Variants in CBARP observed in about 807,000 individuals in gnomAD.
CBARP encodes the protein voltage-dependent calcium channel beta subunit-associated regulatory protein.
Under a neutral mutation model 36.3 loss-of-function variants are expected in CBARP, and 24 were observed. That is an observed-to-expected ratio of 0.66 (90% confidence interval 0.48 to 0.93). The LOEUF (loss-of-function observed/expected upper bound fraction) is 0.93. Ranked by LOEUF, CBARP falls within the 40% of genes least tolerant of loss-of-function variation. CBARP has a pLI of 0.00. For missense variants in CBARP, 1,146 were observed against 980.4 expected, an observed-to-expected ratio of 1.17 and a Z score of -2.26; for synonymous variants, 586 against 453.2, an observed-to-expected ratio of 1.29 and a Z score of -3.72.
Position 1,235,115 on chromosome 19 carries a change from C to A in CBARP, c.341G>T (p.Cys114Phe). The change falls in exon 5 of 10, where the codon TGC (cysteine) becomes TTC (phenylalanine). Residue 114 changes from cysteine to phenylalanine, a missense_variant. Physicochemically the swap from Cys to Phe is radical, Grantham distance 205. Transcript: ENST00000650044. ...DPDFRGEDPECQDAETERFLS... is the reference protein window; with the variant it reads ...DPDFRGEDPEFQDAETERFLS... ...GAAGCGTTCGGTCTCCGCATCCTGG[C>A]ACTCGGGGTCCTCTCCCCGGAAGTC... The A allele has an allele frequency of 6.2e-7, 1 of 1,600,328 alleles. No homozygotes were observed. The highest frequency in any genetic ancestry group is 8.5e-7 in the Non-Finnish European group (1 of 1,174,098).
At chr19:1,230,225 G>A in intron 9 of CBARP, 83 bp from the exon 10 acceptor site, 1 of 994,298 alleles carries the variant, frequency 1.0e-6, no homozygotes. Flanking sequence ...GGATCAGGGA[G>A]GGTGGACGCG....
rs1367029614 is a variant in CBARP, at chr19:1,233,432, T to G, written c.973A>C (p.Thr325Pro). The change falls in exon 8 of 10, where the codon ACG (threonine) becomes CCG (proline). Residue 325 changes from threonine to proline, a missense_variant. By Grantham distance (38) the Thr-to-Pro change is conservative. Coordinates refer to ENST00000650044, the MANE Select transcript of CBARP (RefSeq NM_001393918.1). ...EPSQRAASLDTRGSPKRHHFQ... is the reference protein window; with the variant it reads ...EPSQRAASLDPRGSPKRHHFQ... ...ACCAGGTGCTACAGCTCACCTCTCGTGTCCAGACTGGCTGCCCGCTGGCTG... is the reference window on the plus strand; with the variant it reads ...ACCAGGTGCTACAGCTCACCTCTCGGGTCCAGACTGGCTGCCCGCTGGCTG... The G allele has an allele frequency of 6.3e-7, 1 of 1,589,836 alleles. No homozygotes were observed. The highest frequency in any genetic ancestry group is 1.3e-5 in the African/African-American group (1 of 74,534).
At chr19:1,236,572 AC>A (rs2080976772) in intron 1 of CBARP, among the ~76,000 whole-genome samples, 2 of 151,150 alleles carry the variant, frequency 1.3e-5, no homozygotes, top group South Asian at 2.1e-4. Context: ...GTTCAGCTAC[AC>A]CCTGGCAGGG....
At chr19:1,232,480 C>G (rs553028665) in intron 8 of CBARP, among the ~76,000 whole-genome samples, 1 of 152,148 alleles carries the variant, frequency 6.6e-6, no homozygotes, top group African/African-American at 2.4e-5. Context: ...CAAGGCAGAG[C>G]GGGCCCCAGC....
intron 9 of CBARP, chr19:1,230,803 C>T: frequency 2.1e-6 from 3 of 1,458,312 alleles, no homozygotes; most frequent in African/African-American, 2.9e-5. Context: ...GGGACCACAG[C>T]AGAACCCTTC....
At chr19:1,234,056 G>C in intron 7 of CBARP, 135 bp downstream of exon 7, 2 of 1,082,922 alleles carry the variant, frequency 1.8e-6, no homozygotes, top group Non-Finnish European at 2.5e-6. Context: ...TCTCCCGTGT[G>C]CAATGACCCG....
rs1234887010 is a variant in CBARP at position 1,236,012 on chromosome 19, G to A, written c.89C>T (p.Ala30Val). ...TGCACCCACCGTGGGGCGTCCAGTGGCATTGTCCCACGACGTCGTCAGGGC... is the reference window on the plus strand; with the variant it reads ...TGCACCCACCGTGGGGCGTCCAGTGACATTGTCCCACGACGTCGTCAGGGC... ...TVALTTSWDNATGRPTAEPDP... is the reference protein window; with the variant it reads ...TVALTTSWDNVTGRPTAEPDP... Residue 30 changes from alanine to valine, a missense_variant, in exon 2 of 10, where the codon GCC (alanine) becomes GTC (valine). Coordinates refer to ENST00000650044, the MANE Select transcript of CBARP (RefSeq NM_001393918.1). 2.6e-6 allele frequency: 4 copies of A among 1,550,390 alleles called. No individual in the cohort carries two copies. Among genetic ancestry groups the A allele is most frequent in the East Asian group, 4.6e-5 (2 of 43,802 alleles).
At chr19:1,234,426 G>T in intron 6 of CBARP, 95 bp from the exon 7 acceptor site, 2 of 1,431,694 alleles carry the variant, frequency 1.4e-6, no homozygotes, top group Non-Finnish European at 1.8e-6. Flanking sequence ...TGCTGGGCTT[G>T]GCCCCCTGCC....
chr19:1,231,208 C>T lies in CBARP; in HGVS notation c.1047G>A (p.Gly349=), dbSNP rs372008248. 6.2e-7 allele frequency: 1 copy of T among 1,603,708 alleles called. No homozygotes were observed. Among genetic ancestry groups the T allele is most frequent in the South Asian group, 1.1e-5 (1 of 91,078 alleles). ...GGATGAAGTCCTCCTGGGGGGCATC[C>T]CCCTCCTCCTGCTCCGTGCTCTCAC... ...AASESTEQEE[G]DAPQEDFIQY... Residue 349 remains glycine, a synonymous_variant, in exon 9 of 10, where the codon GGG becomes GGA. Coordinates refer to ENST00000650044, the MANE Select transcript of CBARP (RefSeq NM_001393918.1).
At chr19:1,230,636 C>CG (rs2080877530) in intron 9 of CBARP, 1 of 1,255,588 alleles carries the variant, frequency 8.0e-7, no homozygotes, top group African/African-American at 1.6e-5. Flanking sequence ...CCCAGCCCCA[C>CG]GCCCCATTCC....
chr19:1,233,595 C>A lies in CBARP; in HGVS notation c.810G>T (p.Gly270=). The A allele has an allele frequency of 6.2e-7, 1 of 1,610,518 alleles. No homozygotes were observed. Among genetic ancestry groups the A allele is most frequent in the Non-Finnish European group, 8.5e-7 (1 of 1,179,120 alleles). ...CCGCCTCCCCAGGCCCTGCTGCAGCCCCGGGCCCTCCAGCCTTGGTGCTCC... is the reference window on the plus strand; with the variant it reads ...CCGCCTCCCCAGGCCCTGCTGCAGCACCGGGCCCTCCAGCCTTGGTGCTCC... ...GTRSTKAGGP[G]AAAGPGEAGP... Residue 270 remains glycine (G), a synonymous_variant, in exon 8 of 10, where the codon GGG becomes GGT. Transcript: ENST00000650044.
chr19:1,229,234 G>A lies in CBARP; in HGVS notation c.2063C>T (p.Ala688Val), dbSNP rs1313144527. The stretch of plus-strand genomic sequence containing the variant: ...GGCGGCGGCGACCAACGCGGGAGTC[G>A]CCACGACGGGCTCGGCGAGGCGCGG... ...FPPRLAEPVVATPALVAAAPT... is the reference protein window; with the variant it reads ...FPPRLAEPVVVTPALVAAAPT... The change falls in exon 10 of 10, where the codon GCG (alanine) becomes GTG (valine). Residue 688 changes from alanine (A) to valine (V), a missense_variant. Transcript: ENST00000650044. This position sits in a 1 kb window ranked among gnomAD's most constrained non-coding sequence, Gnocchi z 5.1. The A allele has an allele frequency of 5.7e-6, 7 of 1,234,738 alleles. No homozygotes were observed. Among genetic ancestry groups the A allele is most frequent in the East Asian group, 8.4e-5 (1 of 11,968 alleles). The allele number at this position is 1,234,738 out of a possible 1,614,324, so 76.5% of individuals were successfully genotyped here.
intron 1 of CBARP, 106 bp from the exon 2 acceptor site, chr19:1,236,227 G>A (rs946428852): frequency 2.2e-6 from 3 of 1,333,912 alleles, no homozygotes; most frequent in African/African-American, 1.5e-5. Flanking sequence ...CACACAGGGG[G>A]CAGTGACTCA....
chr19:1,232,832 T>G (rs1024568936), intron 8 of CBARP, among the ~76,000 whole-genome samples: 1 of 152,142 alleles, frequency 6.6e-6, no homozygotes. Flanking sequence ...ACAGCCTCTC[T>G]GACCATAACC....
intron 9 of CBARP, chr19:1,230,629 A>G: frequency 8.0e-7 from 1 of 1,243,716 alleles, no homozygotes; most frequent in Non-Finnish European, 1.0e-6. Context: ...GCTCTGCCCC[A>G]GCCCCACGCC....
chr19:1,238,072 C>G (rs992317505), upstream of CBARP: 2 of 148,442 alleles, frequency 1.3e-5, no homozygotes, highest in African/African-American at 4.9e-5. Flanking sequence ...AGCCTGCGCT[C>G]CCGGGCGCCC....
chr19:1,231,913 CA>C (rs1473500770), intron 8 of CBARP, among the ~76,000 whole-genome samples: 1 of 152,056 alleles, frequency 6.6e-6, no homozygotes, highest in African/African-American at 2.4e-5. Context: ...CAGCCCTGGT[CA>C]ACATGTGGCC....
chr19:1,235,120 G>C lies in CBARP; in HGVS notation c.336C>G (p.Pro112=). The C allele has an allele frequency of 6.3e-7, 1 of 1,598,446 alleles. No individual in the cohort carries two copies. Among genetic ancestry groups the C allele is most frequent in the Non-Finnish European group, 8.5e-7 (1 of 1,173,242 alleles). ...AQDPDFRGED[P]ECQDAETERF... ...GTTCGGTCTCCGCATCCTGGCACTC[G>C]GGGTCCTCTCCCCGGAAGTCGGGGT... Residue 112 remains proline, a synonymous_variant, in exon 5 of 10, where the codon CCC becomes CCG. Transcript: ENST00000650044.
chr19:1,229,473 C>T lies in CBARP; in HGVS notation c.1824G>A (p.Ala608=), dbSNP rs1419590267. The T allele has an allele frequency of 3.1e-6, 3 of 978,946 alleles. No individual in the cohort carries two copies. Among genetic ancestry groups the T allele is most frequent in the South Asian group, 9.4e-5 (2 of 21,248 alleles). 60.6% of individuals were successfully genotyped at this position (978,946 alleles called of 1,614,324 possible). The change falls in exon 10 of 10, where the codon GCG becomes GCA. Residue 608 remains alanine (A), a synonymous_variant. Coordinates refer to ENST00000650044, the MANE Select transcript of CBARP (RefSeq NM_001393918.1). This position sits in a 1 kb window ranked among gnomAD's most constrained non-coding sequence, Gnocchi z 5.1. ...LAGTPAPPAG[A]ARPARAPLRR... ...GCAAGGGCGCACGCGCGGGTCGGGCCGCGCCGGCAGGCGGTGCCGGGGTTC... is the reference window on the plus strand; with the variant it reads ...GCAAGGGCGCACGCGCGGGTCGGGCTGCGCCGGCAGGCGGTGCCGGGGTTC...
Sources: allele counts gnomAD v4.1 joint callset (sites outside exome capture counted in the v4.1 genomes callset), GRCh38; gene constraint gnomAD v4.1.1; non-coding constraint Gnocchi (gnomAD v3.1); transcripts MANE v1.5; gene names NCBI Gene and HGNC (gene_info 2026-07-23, HGNC 2026-07-21).